IQGAP2: variants seen among roughly 807,000 people sequenced by gnomAD.
The protein encoded by IQGAP2 is IQ motif containing GTPase activating protein 2, also known as ras GTPase-activating-like protein IQGAP2.
In IQGAP2, 173 loss-of-function variants were observed where a neutral mutation model predicts 201.3. The observed-to-expected ratio is 0.86, with a 90% CI of 0.76 to 0.98. The LOEUF is 0.98. Ranked by LOEUF, IQGAP2 falls within the 50% of genes least tolerant of loss-of-function variation. The pLI, the probability that IQGAP2 is intolerant of heterozygous loss-of-function variation, is 0.00. For missense variants in IQGAP2, 1,687 were observed against 1,864.8 expected (o/e 0.90, Z 1.76); for synonymous variants, 675 against 673.9 (o/e 1.00, Z -0.03).
In IQGAP2 at chr5:76,440,234, T is replaced by C. The variant is rs531066335; in HGVS notation, c.47-21336T>C. On this transcript the variant is annotated intron_variant, in intron 1 of 35. Coordinates refer to ENST00000274364, the MANE Select transcript of IQGAP2 (RefSeq NM_006633.5). Reference sequence around the variant, plus strand: ...AAGTTAAGGGGACATTTAAAAGAAATACATTTTCTGCTGGGTGTGTTGGTT... The same window carrying C: ...AAGTTAAGGGGACATTTAAAAGAAACACATTTTCTGCTGGGTGTGTTGGTT... Among the ~76,000 whole-genome samples the C allele has an allele frequency of 7.4e-4, 113 of 152,250 alleles. No homozygotes were observed. In the Middle Eastern group the frequency reaches 0.014, roughly 18 times the overall value.
Position 76,671,895 on chromosome 5 carries a change from G to A in IQGAP2, c.2980G>A (p.Asp994Asn), listed in dbSNP as rs138211969. 4.6e-5 allele frequency: 74 copies of A among 1,613,928 alleles called. No homozygotes were observed. The highest frequency in any genetic ancestry group is 3.3e-4 in the Middle Eastern group (2 of 6,084). ...LLAPVVKEIIDDKSLIINTNP... is the reference protein window; with the variant it reads ...LLAPVVKEIINDKSLIINTNP... Reference sequence around the variant, plus strand: ...GGCTCCAGTGGTAAAAGAGATCATCGACGACAAGTCGCTGATTATCAACAC... The same window carrying A: ...GGCTCCAGTGGTAAAAGAGATCATCAACGACAAGTCGCTGATTATCAACAC... Residue 994 changes from aspartate (D) to asparagine (N), a missense_variant, in exon 24 of 36, where the codon GAC (aspartate) becomes AAC (asparagine). By Grantham distance (23) the Asp-to-Asn change is conservative. Coordinates refer to ENST00000274364, the MANE Select transcript of IQGAP2 (RefSeq NM_006633.5).
intron 12 of IQGAP2, among the ~76,000 whole-genome samples, chr5:76,610,597 C>T (rs1748309419): frequency 6.6e-6 from 1 of 151,824 alleles, no homozygotes. Context: ...AAACCAGCAG[C>T]TGGGACCTTG....
At position 76,617,801 on chromosome 5, in the gene IQGAP2, C is replaced by T. The variant is rs768418391; in HGVS notation, c.1521+6618C>T. 15 of 1,613,582 alleles carry T rather than the reference C, an allele frequency of 9.3e-6. 1 individual carries two copies. The Middle Eastern group carries it at 1.2e-3, about 124-fold the overall frequency. ...TAAAAATCACAAGGATGAGGAGACT[C>T]GCCTTAACATACCACAACCATCTAT... On this transcript the variant is annotated intron_variant, in intron 13 of 35. Transcript: ENST00000274364.
intron 1 of IQGAP2, among the ~76,000 whole-genome samples, chr5:76,406,825 A>C (rs187318196): frequency 8.5e-6 from 1 of 118,016 alleles, no homozygotes; most frequent in South Asian, 2.7e-4. Context: ...GTGGTTTTCT[A>C]CACTACAAGA....
intron 5 of IQGAP2, among the ~76,000 whole-genome samples, chr5:76,580,564 T>C (rs1745778822): frequency 6.6e-6 from 1 of 152,262 alleles, no homozygotes; most frequent in African/African-American, 2.4e-5. Context: ...TTTATCTCTT[T>C]TTTTTATTAC....
Position 76,689,230 on chromosome 5 carries a change from T to TTAAAAAA in IQGAP2, c.3906-4125_3906-4124insTAAAAAA, listed in dbSNP as rs566505116. ...TAATACTACCAAGCACAGGGATATT[T>TTAAAAAA]AAAAAAAAAAAAAAAAAAAAAAAAA... On this transcript the variant is annotated intron_variant, in intron 30 of 35. Transcript: ENST00000274364. Among the ~76,000 whole-genome samples the TTAAAAAA allele has an allele frequency of 3.4e-4, 29 of 86,488 alleles. 2 individuals are homozygous for TTAAAAAA. The highest frequency in any genetic ancestry group is 0.012 in the Middle Eastern group (1 of 86). 56.7% of individuals were successfully genotyped at this position (86,488 alleles called of 152,430 possible).
chr5:76,481,113 C>T (rs1183547668), intron 2 of IQGAP2, among the ~76,000 whole-genome samples: 1 of 152,144 alleles, frequency 6.6e-6, no homozygotes, highest in South Asian at 2.1e-4. Context: ...GGATCCACCT[C>T]TTAATGCTAT....
At chr5:76,541,364 T>A (rs1161697940) in intron 2 of IQGAP2, among the ~76,000 whole-genome samples, 1 of 152,218 alleles carries the variant, frequency 6.6e-6, no homozygotes, top group Non-Finnish European at 1.5e-5. Flanking sequence ...CAGAATTTTA[T>A]TCCTTTTCGT....
intron 1 of IQGAP2, among the ~76,000 whole-genome samples, chr5:76,448,419 TCTCTC>T (rs1052151986): frequency 2.3e-4 from 35 of 152,280 alleles, no homozygotes; most frequent in African/African-American, 8.4e-4. Context: ...CTGGATCTCT[TCTCTC>T]TGCCCTTTGT....
intron 2 of IQGAP2, among the ~76,000 whole-genome samples, chr5:76,551,670 C>G (rs182285120): frequency 6.6e-6 from 1 of 152,142 alleles, no homozygotes; most frequent in Non-Finnish European, 1.5e-5. Flanking sequence ...CCAGCCAACA[C>G]GGCGAAACCC....
At chr5:76,544,694 TTTTTG>T in intron 2 of IQGAP2, among the ~76,000 whole-genome samples, 1 of 152,342 alleles carries the variant, frequency 6.6e-6, no homozygotes, top group East Asian at 1.9e-4. Flanking sequence ...GCTTTAATTT[TTTTTG>T]GTCATATATA....
rs149940408 is a variant in IQGAP2 at position 76,674,657 on chromosome 5, G to A, written c.3475G>A (p.Glu1159Lys). 2.8e-4 allele frequency: 444 copies of A among 1,614,116 alleles called. 3 individuals are homozygous for A. The African/African-American group carries it at 5.4e-3, about 19-fold the overall frequency. ...CAACAAGCTGTTTGAAGGAGAAAAT[G>A]AGCATCTCTCATCTATGAACAATTA... is the stretch of plus-strand genomic sequence containing the variant. ...ASNKLFEGEN[E>K]HLSSMNNYLS... is the part of the protein sequence containing the mutation. Residue 1159 changes from glutamate to lysine, a missense_variant, in exon 27 of 36, where the codon GAG (glutamate) becomes AAG (lysine). Transcript: ENST00000274364.
rs750125390 is a variant in IQGAP2 at position 76,592,872 on chromosome 5, A to G, written c.854A>G (p.Tyr285Cys). 1 of 1,612,640 alleles carries G rather than the reference A, an allele frequency of 6.2e-7. No homozygotes were observed. The highest frequency in any genetic ancestry group is 1.7e-5 in the Admixed American group (1 of 60,026). ...SCISEEERDA[Y>C]EELLTQAEIQ... is the part of the protein sequence containing the mutation. The stretch of plus-strand genomic sequence containing the variant: ...ATTTCAGAAGAAGAAAGAGATGCTT[A>G]TGAAGAACTGCTGACACAAGCAGAA... The change falls in exon 9 of 36, where the codon TAT (tyrosine) becomes TGT (cysteine). Residue 285 changes from tyrosine to cysteine, a missense_variant. Coordinates refer to ENST00000274364, the MANE Select transcript of IQGAP2 (RefSeq NM_006633.5).
intron 2 of IQGAP2, among the ~76,000 whole-genome samples, chr5:76,549,764 G>C (rs994215801): frequency 1.3e-5 from 2 of 151,964 alleles, no homozygotes; most frequent in African/African-American, 4.8e-5. Context: ...TCTGTGCCCT[G>C]ATCACCTTTT....
At chr5:76,444,452 C>T (rs1753252044) in intron 1 of IQGAP2, among the ~76,000 whole-genome samples, 1 of 152,130 alleles carries the variant, frequency 6.6e-6, no homozygotes, top group Non-Finnish European at 1.5e-5. Flanking sequence ...GTGCCCACTA[C>T]CACACCTGGC....
At chr5:76,653,175 G>T (rs1351203375) in intron 18 of IQGAP2, among the ~76,000 whole-genome samples, 2 of 152,096 alleles carry the variant, frequency 1.3e-5, no homozygotes, top group East Asian at 3.8e-4. Context: ...TTCCACATTT[G>T]CTTAAGCATA....
At chr5:76,519,273 A>C (rs904583749) in intron 2 of IQGAP2, among the ~76,000 whole-genome samples, 6 of 152,206 alleles carry the variant, frequency 3.9e-5, no homozygotes, top group African/African-American at 1.2e-4. Flanking sequence ...CTATGGTTTT[A>C]CTTTTTCCAG....
chr5:76,430,883 G>A (rs773291249), intron 1 of IQGAP2, among the ~76,000 whole-genome samples: 4 of 152,244 alleles, frequency 2.6e-5, no homozygotes, highest in Non-Finnish European at 5.9e-5. Context: ...TAACCTAAAT[G>A]CCTAGCAATT....
At chr5:76,582,944 G>A (rs936928381) in intron 5 of IQGAP2, among the ~76,000 whole-genome samples, 5 of 152,168 alleles carry the variant, frequency 3.3e-5, no homozygotes, top group African/African-American at 4.8e-5. Flanking sequence ...CAACCCCTCC[G>A]TTGCTGGCCT....
Sources: allele counts gnomAD v4.1 joint callset (sites outside exome capture counted in the v4.1 genomes callset), GRCh38; gene constraint gnomAD v4.1.1; transcripts MANE v1.5; gene names NCBI Gene and HGNC (gene_info 2026-07-23, HGNC 2026-07-21).